The following SEMA3C variants were observed in gnomAD, a reference collection of about 807,000 sequenced individuals.
SEMA3C encodes semaphorin-3C.
A neutral mutation model predicts 89.4 loss-of-function variants in SEMA3C; 47 were observed. That is an observed-to-expected ratio of 0.53 (90% CI 0.42 to 0.67). SEMA3C has a LOEUF of 0.67. Ranked by LOEUF, SEMA3C falls within the 30% of genes least tolerant of loss-of-function variation. The pLI, the probability that SEMA3C is intolerant of heterozygous loss-of-function variation, is 0.00. For synonymous variants in SEMA3C, 310 were observed against 320.2 expected, an observed-to-expected ratio of 0.97 and a Z score of 0.34; for missense variants, 839 against 929.1, an observed-to-expected ratio of 0.90 and a Z score of 1.26.
At chr7:80,922,056 T>C (rs1165731766), upstream of SEMA3C, among the ~76,000 whole-genome samples, 6 of 152,214 alleles carry the variant, frequency 3.9e-5, no homozygotes, top group African/African-American at 9.6e-5. Flanking sequence ...AAAACTGATA[T>C]TTGTAATAGA....
At chr7:80,851,604 T>C (rs1013698287) in intron 2 of SEMA3C, among the ~76,000 whole-genome samples, 3 of 150,444 alleles carry the variant, frequency 2.0e-5, no homozygotes, top group Non-Finnish European at 4.4e-5. Flanking sequence ...CCACAGAGTA[T>C]GACTGACAAT....
chr7:80,878,246 G>A (rs982414829), intron 2 of SEMA3C, among the ~76,000 whole-genome samples: 20 of 152,082 alleles, frequency 1.3e-4, no homozygotes, highest in African/African-American at 4.3e-4. Flanking sequence ...GCTTGGTGGC[G>A]CATGCCTATA....
chr7:80,795,563 T>G (rs1021763098), intron 11 of SEMA3C, among the ~76,000 whole-genome samples: 3 of 152,216 alleles, frequency 2.0e-5, no homozygotes, highest in Non-Finnish European at 2.9e-5. Context: ...TCTTGAGAGC[T>G]AAAAAACAGT....
chr7:80,754,256 T>A (rs568941907), intron 15 of SEMA3C, among the ~76,000 whole-genome samples: 17 of 151,766 alleles, frequency 1.1e-4, no homozygotes, highest in Non-Finnish European at 1.9e-4. Flanking sequence ...TAGTTTTTTT[T>A]AAAAACGGAG....
intron 13 of SEMA3C, among the ~76,000 whole-genome samples, chr7:80,763,536 A>G (rs866055323): frequency 6.6e-6 from 1 of 152,182 alleles, no homozygotes; most frequent in Non-Finnish European, 1.5e-5. Flanking sequence ...TTATTATTCA[A>G]GATGATAACA....
At chr7:80,801,451 T>G (rs1392452290) in intron 9 of SEMA3C, among the ~76,000 whole-genome samples, 2 of 152,000 alleles carry the variant, frequency 1.3e-5, no homozygotes, top group Non-Finnish European at 2.9e-5. Flanking sequence ...AACAAAAGTA[T>G]GCACAGTGAA....
chr7:80,861,017 T>A (rs901142025), intron 2 of SEMA3C, among the ~76,000 whole-genome samples: 6 of 152,196 alleles, frequency 3.9e-5, no homozygotes, highest in Non-Finnish European at 7.3e-5. Context: ...GATTTTCACT[T>A]AATTAACAAA....
At chr7:80,801,029 A>T (rs1789194604) in intron 9 of SEMA3C, among the ~76,000 whole-genome samples, 1 of 152,072 alleles carries the variant, frequency 6.6e-6, no homozygotes, top group African/African-American at 2.4e-5. Context: ...ATTTATGAAA[A>T]TTTTGTATCC....
chr7:80,805,761 A>G lies in SEMA3C; in HGVS notation c.539-3T>C. On this transcript the variant is annotated splice_region_variant and splice_polypyrimidine_tract_variant and intron_variant, in intron 6 of 17. Transcript: ENST00000265361. ...CATTCCAGAGAAAAGCTCCTCATCT[A>G]TGAAAAAGAAAATATCAATGAAATG... The G allele has an allele frequency of 6.3e-7, 1 of 1,579,260 alleles. No homozygotes were observed. The highest frequency in any genetic ancestry group is 1.2e-5 in the South Asian group (1 of 85,960).
chr7:80,783,085 G>A (rs955323481), intron 12 of SEMA3C, among the ~76,000 whole-genome samples: 5 of 151,758 alleles, frequency 3.3e-5, no homozygotes, highest in South Asian at 4.2e-4. Context: ...GAGATTTTAC[G>A]TTGTCCTTAA....
chr7:80,885,500 C>G (rs889826883), intron 2 of SEMA3C, among the ~76,000 whole-genome samples: 1 of 152,004 alleles, frequency 6.6e-6, no homozygotes, highest in African/African-American at 2.4e-5. Context: ...GCCCATAGTC[C>G]CAGCTACTTG....
chr7:80,855,810 C>A (rs1017805164), intron 2 of SEMA3C, among the ~76,000 whole-genome samples: 1 of 152,094 alleles, frequency 6.6e-6, no homozygotes, highest in Admixed American at 6.6e-5. Context: ...ATATTCACTC[C>A]TAACACTAGT....
chr7:80,751,355 A>C lies in SEMA3C; in HGVS notation c.1644-19T>G. On this transcript the variant is annotated intron_variant, in intron 15 of 17. Transcript: ENST00000265361. The stretch of plus-strand genomic sequence containing the variant: ...GCTCCTCCTGCAAGTGCAGAAATAC[A>C]TAAAAGTGACTGAGAATTATCACTG... The C allele has an allele frequency of 6.2e-7, 1 of 1,609,792 alleles. No homozygotes were observed. Among genetic ancestry groups the C allele is most frequent in the Non-Finnish European group, 8.5e-7 (1 of 1,176,152 alleles).
At chr7:80,749,311 A>AT (rs1787872110) in intron 16 of SEMA3C, among the ~76,000 whole-genome samples, 1 of 152,158 alleles carries the variant, frequency 6.6e-6, no homozygotes, top group Non-Finnish European at 1.5e-5. Flanking sequence ...TGTTCTTAAT[A>AT]TTACTTTGTT....
At chr7:80,774,225 G>A (rs1175389399) in intron 12 of SEMA3C, among the ~76,000 whole-genome samples, 1 of 152,086 alleles carries the variant, frequency 6.6e-6, no homozygotes, top group Admixed American at 6.6e-5. Context: ...GCTATAATAA[G>A]AATGAACACC....
intron 2 of SEMA3C, among the ~76,000 whole-genome samples, chr7:80,903,234 T>C (rs1583995519): frequency 6.6e-6 from 1 of 152,226 alleles, no homozygotes; most frequent in Admixed American, 6.5e-5. Flanking sequence ...CTATATGCTA[T>C]AGCCTACTGC....
At chr7:80,869,720 C>T (rs1791012249) in intron 2 of SEMA3C, among the ~76,000 whole-genome samples, 2 of 152,076 alleles carry the variant, frequency 1.3e-5, no homozygotes, top group South Asian at 4.2e-4. Flanking sequence ...TCTCCTGTTC[C>T]TGAGAGCACT....
chr7:80,778,968 A>G (rs1022059745), intron 12 of SEMA3C, among the ~76,000 whole-genome samples: 3 of 152,086 alleles, frequency 2.0e-5, no homozygotes, highest in Non-Finnish European at 2.9e-5. Context: ...CCTTATCTGC[A>G]TGGTCTCCTA....
chr7:80,798,551 T>A (rs1374830081), intron 10 of SEMA3C, among the ~76,000 whole-genome samples: 1 of 152,222 alleles, frequency 6.6e-6, no homozygotes, highest in African/African-American at 2.4e-5. Flanking sequence ...ATACTGATGA[T>A]TTTATTTAAA....
Sources: allele counts gnomAD v4.1 joint callset (sites outside exome capture counted in the v4.1 genomes callset), GRCh38; gene constraint gnomAD v4.1.1; transcripts MANE v1.5; gene names NCBI Gene and HGNC (gene_info 2026-07-23, HGNC 2026-07-21).